The following SLC5A11 variants were observed in gnomAD, a reference collection of about 807,000 sequenced individuals.
SLC5A11 encodes the protein sodium/myo-inositol cotransporter 2.
Under a neutral mutation model 69.8 loss-of-function variants are expected in SLC5A11, and 48 were observed. That is an observed-to-expected ratio of 0.69 (90% CI 0.55 to 0.87). SLC5A11 has a LOEUF of 0.87. Among genes scored for constraint, SLC5A11 ranks in the 40% least tolerant of loss-of-function variants. The probability of loss-of-function intolerance (pLI) is 0.00; values close to 1 mark genes in which losing one functional copy is unlikely to be tolerated. For missense variants in SLC5A11, 784 were observed against 866.1 expected (o/e 0.91, Z 1.19); for synonymous variants, 319 against 342.4 (o/e 0.93, Z 0.75).
chr16:24,893,702 C>T (rs1845905501), intron 9 of SLC5A11, among the ~76,000 whole-genome samples: 1 of 152,130 alleles, frequency 6.6e-6, no homozygotes, highest in African/African-American at 2.4e-5. Flanking sequence ...TCCTGAGTAG[C>T]TGGGACTATA....
At chr16:24,896,254 G>C (rs186903769) in intron 9 of SLC5A11, among the ~76,000 whole-genome samples, 3 of 152,058 alleles carry the variant, frequency 2.0e-5, no homozygotes, top group African/African-American at 7.2e-5. Flanking sequence ...GGAGGCTGAG[G>C]CAGGAGAATT....
At chr16:24,910,259 CG>C (rs774012118) in intron 14 of SLC5A11, 46 bp from the exon 16 acceptor site, 13 of 1,595,586 alleles carry the variant, frequency 8.1e-6, no homozygotes, top group Admixed American at 6.7e-5. Flanking sequence ...TGGACAACCC[CG>C]GCCCCACCTC....
chr16:24,910,286 C>T lies in SLC5A11; in HGVS notation c.1651-20C>T, dbSNP rs772880309. 2 of 1,611,022 alleles carry T rather than the reference C, an allele frequency of 1.2e-6. No homozygotes were observed. The highest frequency in any genetic ancestry group is 1.7e-6 in the Non-Finnish European group (2 of 1,177,888). ...GCCCCACCTCCACCACAAATCTCAT[C>T]ATTCATCCCTGCTCCTTAGGTCAGC... is the stretch of plus-strand genomic sequence containing the variant. On this transcript the variant is annotated intron_variant, in intron 14 of 15. Coordinates refer to ENST00000347898, the Ensembl canonical transcript of SLC5A11.
Position 24,884,180 on chromosome 16 carries a change from A to C in SLC5A11, c.664+49A>C, listed in dbSNP as rs749453285. On this transcript the variant is annotated intron_variant, in intron 8 of 15. Coordinates refer to ENST00000347898, the Ensembl canonical transcript of SLC5A11. ...GGGGCGGACAACAGCACCTCTCTCC[A>C]GCAGGGATATCTGCTCTCCACACTG... 22 of 1,562,332 alleles carry C rather than the reference A, an allele frequency of 1.4e-5. No individual in the cohort carries two copies. The South Asian group carries it at 2.1e-4, about 15-fold the overall frequency.
intron 1 of SLC5A11, among the ~76,000 whole-genome samples, chr16:24,849,813 C>T (rs769056557): frequency 9.2e-5 from 14 of 151,506 alleles, no homozygotes; most frequent in Non-Finnish European, 1.6e-4. Context: ...ATTCAGGGAA[C>T]GCTGCCCTGC....
At chr16:24,889,833 C>T (rs908687755) in intron 8 of SLC5A11, among the ~76,000 whole-genome samples, 4 of 152,042 alleles carry the variant, frequency 2.6e-5, no homozygotes, top group Non-Finnish European at 4.4e-5. Flanking sequence ...CAGGTGTGAG[C>T]CACTGTGCCT....
At chr16:24,864,962 C>A (rs1055187213) in intron 3 of SLC5A11, among the ~76,000 whole-genome samples, 5 of 148,596 alleles carry the variant, frequency 3.4e-5, no homozygotes, top group African/African-American at 5.0e-5. Context: ...GTCTGAGGAA[C>A]AGAAAAAAAA....
At chr16:24,853,033 G>C (rs566180171) in intron 1 of SLC5A11, among the ~76,000 whole-genome samples, 2 of 151,478 alleles carry the variant, frequency 1.3e-5, no homozygotes, top group East Asian at 3.9e-4. Flanking sequence ...GTGCACAGCC[G>C]GTGCCTAATA....
Position 24,869,971 on chromosome 16 carries a change from C to CT in SLC5A11, c.279dup (p.Thr94TyrfsTer9). ...ATTGGCCTGGCAGGGTCAGGTGCTG[C>CT]TACGGGCATTTCTGTATCAGCTTAT... On this transcript the variant is annotated frameshift_variant, in exon 4 of 16. Transcript: ENST00000347898. LOFTEE classifies it high-confidence loss of function. The CT allele has an allele frequency of 6.2e-7, 1 of 1,613,904 alleles. No homozygotes were observed. Among genetic ancestry groups the CT allele is most frequent in the Non-Finnish European group, 8.5e-7 (1 of 1,179,788 alleles).
intron 7 of SLC5A11, among the ~76,000 whole-genome samples, chr16:24,882,071 G>T (rs192878412): frequency 2.6e-5 from 4 of 152,312 alleles, no homozygotes; most frequent in Non-Finnish European, 4.4e-5. Context: ...AGGGCAGGCT[G>T]CCATAGCTGA....
chr16:24,875,997 C>A (rs553112768), intron 6 of SLC5A11, among the ~76,000 whole-genome samples: 1 of 152,036 alleles, frequency 6.6e-6, no homozygotes, highest in South Asian at 2.1e-4. Flanking sequence ...GAGTTTGAGG[C>A]CAGTCTGGCC....
intron 13 of SLC5A11, among the ~76,000 whole-genome samples, chr16:24,908,506 G>A (rs979405731): frequency 6.7e-6 from 1 of 149,090 alleles, no homozygotes; most frequent in Admixed American, 6.8e-5. Flanking sequence ...GCTGAGGCAG[G>A]AGAATCACTG....
chr16:24,860,958 C>G (rs1011245561), intron 2 of SLC5A11, among the ~76,000 whole-genome samples: 10 of 152,020 alleles, frequency 6.6e-5, no homozygotes, highest in Non-Finnish European at 1.3e-4. Context: ...CCGCCTGCCT[C>G]GGCCTCCCAA....
chr16:24,873,013 G>A (rs140295625), intron 5 of SLC5A11, among the ~76,000 whole-genome samples: 1 of 3,154 alleles, frequency 3.2e-4, no homozygotes, highest in Non-Finnish European at 8.0e-4. Flanking sequence ...GGTGGCAGGT[G>A]CCTGTAGTCC....
chr16:24,892,305 C>T (rs149096798), intron 9 of SLC5A11, among the ~76,000 whole-genome samples: 433 of 151,766 alleles, frequency 2.9e-3, no homozygotes, highest in Non-Finnish European at 5.2e-3. Context: ...TGTAGAAGAG[C>T]GAGAGCTTCC....
intron 2 of SLC5A11, chr16:24,859,154 T>C (rs2059657708): frequency 6.3e-6 from 1 of 158,772 alleles, no homozygotes; most frequent in African/African-American, 2.4e-5. Flanking sequence ...ATGTTTTGTT[T>C]TTGTTTTTGT....
In SLC5A11 at chr16:24,876,662, C is replaced by T. The variant is rs567180127; in HGVS notation, c.478-596C>T. The stretch of plus-strand genomic sequence containing the variant: ...ACTGCAGGACAGACAACACAGGCTC[C>T]TTTCTAGAATGTTCACTTGCAGTCT... On this transcript the variant is annotated intron_variant, in intron 6 of 15. Coordinates refer to ENST00000347898, the Ensembl canonical transcript of SLC5A11. 3.9e-5 allele frequency among the ~76,000 whole-genome samples: 6 copies of T among 152,302 alleles called. No homozygotes were observed. The South Asian group carries it at 1.2e-3, about 32-fold the overall frequency.
exon 16 of SLC5A11, chr16:24,911,337 C>T (rs2050510744): frequency 6.2e-7 from 1 of 1,613,934 alleles, no homozygotes; most frequent in Non-Finnish European, 8.5e-7. Context: ...GGTGACATGA[C>T]CCCAAAGCAG....
chr16:24,911,218 G>A, intron 15 of SLC5A11, 110 bp from the exon 17 acceptor site: 1 of 977,304 alleles, frequency 1.0e-6, no homozygotes, highest in Non-Finnish European at 1.6e-6. Flanking sequence ...GTGGATGGTG[G>A]TTCACGCCTG....
Sources: gnomAD v4.1 joint callset for allele counts (sites outside exome capture counted in the v4.1 genomes callset) on GRCh38, gnomAD v4.1.1 for gene constraint, MANE v1.5 for transcripts, NCBI Gene and HGNC (gene_info 2026-07-23, HGNC 2026-07-21) for gene names.